SART3: variants seen among roughly 807,000 people sequenced by gnomAD.
SART3 encodes the protein spliceosome associated factor 3, U4/U6 recycling protein.
Under a neutral mutation model 122.3 loss-of-function variants are expected in SART3, and 44 were observed. The observed-to-expected ratio is 0.36, with a 90% CI of 0.28 to 0.46. SART3 has a LOEUF of 0.46. Among genes scored for constraint, SART3 ranks in the 20% least tolerant of loss-of-function variants. The probability of loss-of-function intolerance (pLI) is 1.00; values close to 1 mark genes in which losing one functional copy is unlikely to be tolerated. For missense variants in SART3, 1,101 were observed against 1,229.0 expected (o/e 0.90, Z 1.56); for synonymous variants, 442 against 454.0 (o/e 0.97, Z 0.34).
At chr12:108,539,485 G>C (rs1873063748) in intron 6 of SART3, among the ~76,000 whole-genome samples, 1 of 152,148 alleles carries the variant, frequency 6.6e-6, no homozygotes, top group African/African-American at 2.4e-5. Context: ...GGAAAATTTT[G>C]GTGCCTGATG....
At chr12:108,535,702 G>GCGCA in intron 11 of SART3, 1 of 540,436 alleles carries the variant, frequency 1.9e-6, no homozygotes, top group South Asian at 1.8e-5. Context: ...GAGAGAGGGA[G>GCGCA]CGCACGGTAC....
chr12:108,540,528 T>G (rs1593241523), intron 6 of SART3, among the ~76,000 whole-genome samples: 1 of 151,138 alleles, frequency 6.6e-6, no homozygotes, highest in Admixed American at 6.6e-5. Context: ...TTGGAAGATG[T>G]AAATTATTCC....
In SART3 at chr12:108,526,510, T is replaced by C; in HGVS notation, c.1959A>G (p.Ala653=). ...KRRRVENSIP[A]AGETQNVEVA... ...CTTCTACATTTTGTGTTTCTCCAGC[T>C]GCAGGGATGCTGTTCTCGACCCTTC... Residue 653 remains alanine, a synonymous_variant, in exon 16 of 19, where the codon GCA becomes GCG. Coordinates refer to ENST00000546815, the MANE Select transcript of SART3 (RefSeq NM_014706.4). 1 of 1,614,184 alleles carries C rather than the reference T, an allele frequency of 6.2e-7. No individual in the cohort carries two copies. The highest frequency in any genetic ancestry group is 1.1e-5 in the South Asian group (1 of 91,086).
At chr12:108,557,502 T>G (rs943909830) in intron 1 of SART3, among the ~76,000 whole-genome samples, 1 of 152,206 alleles carries the variant, frequency 6.6e-6, no homozygotes, top group African/African-American at 2.4e-5. Flanking sequence ...AGAAAACAAC[T>G]GGTGCAATCA....
intron 1 of SART3, among the ~76,000 whole-genome samples, chr12:108,558,012 AT>A (rs897688397): frequency 3.9e-5 from 6 of 152,038 alleles, no homozygotes; most frequent in African/African-American, 1.4e-4. Context: ...AAAAAAAAAT[AT>A]TTTTAATTAG....
At chr12:108,537,992 T>C (rs1872988838) in intron 8 of SART3, 73 bp downstream of exon 8, 1 of 1,594,400 alleles carries the variant, frequency 6.3e-7, no homozygotes, top group South Asian at 1.1e-5. Flanking sequence ...ACTGATGTAA[T>C]GACTTTGTCA....
rs1004674167 is a variant in SART3 at position 108,560,713 on chromosome 12, A to G, written c.312+130T>C. ...TAAGCACTCAAATCCGACAGGAGCT[A>G]CTGTCACGAAAAGCGGGTTTGCAGC... On this transcript the variant is annotated intron_variant, in intron 1 of 18. Coordinates refer to ENST00000546815, the MANE Select transcript of SART3 (RefSeq NM_014706.4). 45 of 706,136 alleles carry G rather than the reference A, an allele frequency of 6.4e-5. No individual in the cohort carries two copies. The African/African-American group carries it at 6.8e-4, about 11-fold the overall frequency. The allele number at this position is 706,136 out of a possible 1,614,324, so 43.7% of individuals were successfully genotyped here. A position where few individuals can be genotyped will look rare whatever the true frequency, so the allele number is the denominator to read the frequency against.
At chr12:108,554,925 G>A (rs2030153500) in intron 1 of SART3, among the ~76,000 whole-genome samples, 1 of 152,088 alleles carries the variant, frequency 6.6e-6, no homozygotes, top group Non-Finnish European at 1.5e-5. Flanking sequence ...GATTAGCAAA[G>A]TGACAAGCAA....
At chr12:108,558,440 A>G (rs1405588725) in intron 1 of SART3, among the ~76,000 whole-genome samples, 1 of 151,784 alleles carries the variant, frequency 6.6e-6, no homozygotes, top group Non-Finnish European at 1.5e-5. Flanking sequence ...TCCATTCTAA[A>G]CTCCACCCCA....
rs2136657169 is a variant in SART3 at position 108,522,766 on chromosome 12, G to A, written c.*691C>T. On this transcript the variant is annotated 3_prime_UTR_variant, in exon 19 of 19. Transcript: ENST00000546815. ...TGACATGGTATTAAACAAAACCAAA[G>A]GGCTGAAACTCATGTTTAGACAACA... 1 of 152,982 alleles carries A rather than the reference G, an allele frequency of 6.5e-6. No individual in the cohort carries two copies. The highest frequency in any genetic ancestry group is 2.4e-5 in the African/African-American group (1 of 41,544). The allele number at this position is 152,982 out of a possible 1,614,324, so 9.5% of individuals were successfully genotyped here. A position where few individuals can be genotyped will look rare whatever the true frequency, so the allele number is the denominator to read the frequency against.
intron 15 of SART3, among the ~76,000 whole-genome samples, chr12:108,529,453 A>G (rs1047561696): frequency 6.6e-6 from 1 of 152,228 alleles, no homozygotes; most frequent in African/African-American, 2.4e-5. Flanking sequence ...TATGGAAAGT[A>G]TAAGATGACC....
At position 108,544,430 on chromosome 12, in the gene SART3, A is replaced by G; in HGVS notation, c.778T>C (p.Tyr260His). Residue 260 changes from tyrosine (Y) to histidine (H), a missense_variant, in exon 5 of 19, where the codon TAT (tyrosine) becomes CAT (histidine). Tyr to His is a moderately conservative substitution (Grantham distance 83). Around this residue, in one of 2 missense-constraint regions of SART3, gnomAD observed 885 missense variants for 1,080.1 expected, o/e 0.82. Transcript: ENST00000546815. ...TTGACATGTCAGTTTCTCTTACCAT[A>G]GAGTGGGATCGCCAACTGTCGCCGG... The part of the protein sequence containing the change: ...LFRRQLAIPL[Y>H]DMEATFAEYE... The G allele has an allele frequency of 1.2e-6, 2 of 1,613,660 alleles. No homozygotes were observed. The highest frequency in any genetic ancestry group is 1.7e-6 in the Non-Finnish European group (2 of 1,179,512).
At chr12:108,525,732 G>T in intron 16 of SART3, 123 bp from the exon 17 acceptor site, 1 of 1,021,986 alleles carries the variant, frequency 9.8e-7, no homozygotes, top group Non-Finnish European at 1.5e-6. Flanking sequence ...GCCAAGCCAT[G>T]CTCTGAAACT....
rs114785893 is a variant in SART3, at chr12:108,537,837, G to A, written c.1201+228C>T. On this transcript the variant is annotated intron_variant, in intron 8 of 18. Transcript: ENST00000546815. Reference sequence around the variant, plus strand: ...AAAAGTTCCAGATCAAGGAAGTTTGGAGAAAACACTACAACTTCTTAGAAA... The same window carrying A: ...AAAAGTTCCAGATCAAGGAAGTTTGAAGAAAACACTACAACTTCTTAGAAA... 2.1e-3 allele frequency: 1,426 copies of A among 682,792 alleles called. 15 individuals are homozygous for A. The African/African-American group carries it at 0.024, about 11-fold the overall frequency. 42.3% of individuals were successfully genotyped at this position (682,792 alleles called of 1,614,324 possible). A position where few individuals can be genotyped will look rare whatever the true frequency, so the allele number is the denominator to read the frequency against.
chr12:108,530,857 CA>C (rs201818399), intron 14 of SART3, among the ~76,000 whole-genome samples: 18,602 of 140,424 alleles, frequency 0.13, 1,743 homozygotes, highest in East Asian at 0.45. Flanking sequence ...GACTCCGTCT[CA>C]AAAAAAAAAA....
At position 108,536,573 on chromosome 12, in the gene SART3, C is replaced by A. The variant is rs1015043511; in HGVS notation, c.1388-1G>T. 1.2e-6 allele frequency: 2 copies of A among 1,613,992 alleles called. No homozygotes were observed. Among genetic ancestry groups the A allele is most frequent in the African/African-American group, 2.7e-5 (2 of 74,902 alleles). ...CTTGGATCACCACTCTCATTGAAAC[C>A]TTCAAAAACAGAATTAGTAAAATTA... On this transcript the variant is annotated splice_acceptor_variant, in intron 10 of 18. Coordinates refer to ENST00000546815, the MANE Select transcript of SART3 (RefSeq NM_014706.4). LOFTEE classifies it high-confidence loss of function.
In SART3 at chr12:108,549,082, G is replaced by A. The variant is rs1353955753; in HGVS notation, c.439+6C>T. The A allele has an allele frequency of 6.2e-7, 1 of 1,614,050 alleles. No homozygotes were observed. Among genetic ancestry groups the A allele is most frequent in the East Asian group, 2.2e-5 (1 of 44,886 alleles). On this transcript the variant is annotated splice_donor_region_variant and intron_variant, in intron 2 of 18. Transcript: ENST00000546815. The stretch of plus-strand genomic sequence containing the variant: ...TTCTAAAAGCAGCCTGACTGCTGAA[G>A]CTTACCTTCAGTCAAGGGAAAGATT...
At chr12:108,536,947 G>A (rs935114525) in intron 9 of SART3, among the ~76,000 whole-genome samples, 162 bp from the exon 10 acceptor site, 5 of 152,190 alleles carry the variant, frequency 3.3e-5, no homozygotes, top group African/African-American at 9.7e-5. Context: ...ACATAGTTGG[G>A]GAGAAAGAAA....
intron 1 of SART3, among the ~76,000 whole-genome samples, chr12:108,557,560 T>G (rs1206960518): frequency 6.6e-6 from 1 of 152,156 alleles, no homozygotes; most frequent in African/African-American, 2.4e-5. Context: ...CGCCAAACTG[T>G]GCCAGGCGCT....
Sources: allele counts gnomAD v4.1 joint callset (sites outside exome capture counted in the v4.1 genomes callset), GRCh38; gene constraint gnomAD v4.1.1; regional missense constraint gnomAD v4.1.1; transcripts MANE v1.5; gene names NCBI Gene and HGNC (gene_info 2026-07-23, HGNC 2026-07-21).